The following ARL6IP6 variants were observed in gnomAD, a reference collection of about 807,000 sequenced individuals.
ARL6IP6 encodes ARF like GTPase 6 interacting protein 6.
ARL6IP6 carries 22 observed loss-of-function variants against 21.5 expected under a neutral mutation model. That is an observed-to-expected ratio of 1.02 (90% CI 0.73 to 1.46). The LOEUF is 1.46. ARL6IP6 is among the 40% of genes most tolerant of loss of function. The pLI, the probability that ARL6IP6 is intolerant of heterozygous loss-of-function variation, is 0.00. For synonymous variants in ARL6IP6, 164 were observed against 125.3 expected, an observed-to-expected ratio of 1.31 and a Z score of -2.06; for missense variants, 388 against 299.8, an observed-to-expected ratio of 1.29 and a Z score of -2.17.
intron 3 of ARL6IP6, among the ~76,000 whole-genome samples, chr2:152,740,074 C>T (rs36107565): frequency 0.13 from 19,352 of 152,180 alleles, 1,537 homozygotes; most frequent in Middle Eastern, 0.24. Flanking sequence ...ACAGTCAAAC[C>T]ATATCAATTA....
rs1701505837 is a variant in ARL6IP6 at position 152,754,885 on chromosome 2, GC to G, written c.588-4860del. Among the ~76,000 whole-genome samples, 3 of 152,158 alleles carry G rather than the reference GC, an allele frequency of 2.0e-5. No homozygotes were observed. In the South Asian group the frequency reaches 6.2e-4, roughly 32 times the overall value. ...CTATTTGTATGTATGTGGGCGGCAA[GC>G]CACCCAGGTGCCAAGGCAAGAGACC... On this transcript the variant is annotated intron_variant, in intron 3 of 3. Coordinates refer to ENST00000326446, the MANE Select transcript of ARL6IP6 (RefSeq NM_152522.7).
At chr2:152,741,302 T>C (rs1700796925) in intron 3 of ARL6IP6, among the ~76,000 whole-genome samples, 1 of 152,088 alleles carries the variant, frequency 6.6e-6, no homozygotes, top group Non-Finnish European at 1.5e-5. Flanking sequence ...GGGATCACAA[T>C]GTATATACTT....
rs146940034 is a variant in ARL6IP6 at position 152,718,979 on chromosome 2, A to G, written c.355A>G (p.Ile119Val). The G allele has an allele frequency of 1.4e-5, 23 of 1,590,296 alleles. No individual in the cohort carries two copies. In the African/African-American group the frequency reaches 2.6e-4, roughly 18 times the overall value. Residue 119 changes from isoleucine to valine, a missense_variant, in exon 1 of 4, where the codon ATT (isoleucine) becomes GTT (valine). Physicochemically the swap from Ile to Val is conservative, Grantham distance 29 (BLOSUM62 3). Transcript: ENST00000326446. Reference sequence around the variant, plus strand: ...TATTCTCTGCTCGCTGCTCTTCGCCATTCTTCTCGCCTTCCTCCTCGCCAT... The same window carrying G: ...TATTCTCTGCTCGCTGCTCTTCGCCGTTCTTCTCGCCTTCCTCCTCGCCAT... ...LSILCSLLFA[I>V]LLAFLLAIAY...
chr2:152,744,687 C>A (rs1700968383), intron 3 of ARL6IP6, among the ~76,000 whole-genome samples: 1 of 152,098 alleles, frequency 6.6e-6, no homozygotes, highest in South Asian at 2.1e-4. Flanking sequence ...ATTGTCTGAT[C>A]ACTATGAATT....
intron 3 of ARL6IP6, among the ~76,000 whole-genome samples, chr2:152,751,590 A>G (rs1365757593): frequency 2.0e-5 from 3 of 151,464 alleles, no homozygotes; most frequent in Non-Finnish European, 4.4e-5. Context: ...CTATGAGCTC[A>G]TTTTTTTTAA....
At chr2:152,736,487 T>A (rs1265791344) in intron 3 of ARL6IP6, among the ~76,000 whole-genome samples, 2 of 152,180 alleles carry the variant, frequency 1.3e-5, no homozygotes, top group Non-Finnish European at 2.9e-5. Context: ...AGCTTGAAAT[T>A]CTTATTCATT....
intron 3 of ARL6IP6, among the ~76,000 whole-genome samples, chr2:152,748,156 G>A (rs1029314265): frequency 6.6e-6 from 1 of 152,170 alleles, no homozygotes; most frequent in East Asian, 1.9e-4. Flanking sequence ...CTTAAGGAGA[G>A]ACATAGCAAA....
At chr2:152,729,452 T>C (rs776334307) in intron 2 of ARL6IP6, among the ~76,000 whole-genome samples, 3 of 152,230 alleles carry the variant, frequency 2.0e-5, no homozygotes, top group Non-Finnish European at 4.4e-5. Context: ...TTTAAAAGCC[T>C]GCAACCTTTG....
At chr2:152,721,974 G>A (rs1699814158) in intron 2 of ARL6IP6, among the ~76,000 whole-genome samples, 1 of 152,138 alleles carries the variant, frequency 6.6e-6, no homozygotes, top group Non-Finnish European at 1.5e-5. Context: ...AGATTATTAG[G>A]CTTCTCAGAG....
At chr2:152,728,595 C>A (rs1700152700) in intron 2 of ARL6IP6, among the ~76,000 whole-genome samples, 1 of 152,156 alleles carries the variant, frequency 6.6e-6, no homozygotes, top group Non-Finnish European at 1.5e-5. Flanking sequence ...TAACTGCTCC[C>A]TGACACCAGA....
chr2:152,727,952 AG>A (rs767077974), intron 2 of ARL6IP6, among the ~76,000 whole-genome samples: 31 of 152,226 alleles, frequency 2.0e-4, no homozygotes, highest in Non-Finnish European at 4.0e-4. Flanking sequence ...TAATCTCACC[AG>A]GAAAGATTCC....
intron 1 of ARL6IP6, among the ~76,000 whole-genome samples, chr2:152,719,730 G>C (rs530576714): frequency 3.7e-5 from 5 of 135,984 alleles, no homozygotes; most frequent in African/African-American, 1.4e-4. Flanking sequence ...TCACTAGTTT[G>C]TGACCTTTGC....
chr2:152,760,338 T>G lies in ARL6IP6; in HGVS notation c.*498T>G, dbSNP rs2105202249. The G allele has an allele frequency of 6.5e-6, 1 of 152,728 alleles. No homozygotes were observed. Among genetic ancestry groups the G allele is most frequent in the South Asian group, 2.1e-4 (1 of 4,826 alleles). The allele number at this position is 152,728 out of a possible 1,614,324, so 9.5% of individuals were successfully genotyped here. On this transcript the variant is annotated 3_prime_UTR_variant, in exon 4 of 4. Transcript: ENST00000326446. ...GCTACTTTTAAATCAGAATATTTAA[T>G]TTTTGATATTCATATAATTAATAGA... is the stretch of plus-strand genomic sequence containing the variant.
intron 3 of ARL6IP6, among the ~76,000 whole-genome samples, chr2:152,746,241 G>T (rs1323174139): frequency 1.3e-5 from 2 of 151,962 alleles, no homozygotes; most frequent in East Asian, 3.9e-4. Flanking sequence ...TGCCCTAGCT[G>T]GTCTCGAACT....
Position 152,718,707 on chromosome 2 carries a change from A to G in ARL6IP6, c.83A>G (p.Tyr28Cys), listed in dbSNP as rs924185588. ...GTPGPVARPS[Y>C]SSFTQGDSWG... ...CCGGGCCCTGTGGCTCGGCCATCGT[A>G]TTCCTCCTTTACTCAGGGGGACAGC... The change falls in exon 1 of 4, where the codon TAT becomes TGT. Residue 28 changes from tyrosine to cysteine, a missense_variant. Transcript: ENST00000326446. The G allele has an allele frequency of 1.2e-6, 2 of 1,604,922 alleles. No individual in the cohort carries two copies. Among genetic ancestry groups the G allele is most frequent in the Admixed American group, 1.7e-5 (1 of 58,828 alleles).
chr2:152,759,825 A>C lies in ARL6IP6; in HGVS notation c.666A>C (p.Ala222=). The change falls in exon 4 of 4, where the codon GCA becomes GCC. Residue 222 remains alanine (A), a synonymous_variant. Transcript: ENST00000326446. ...GCATCGTAGCTGCTCTTACTGTAGC[A>C]TGGTGCCTCATGTAAACCCACACTG... ...LNGIVAALTV[A]WCLM is the part of the protein sequence containing the mutation. 6.2e-7 allele frequency: 1 copy of C among 1,612,950 alleles called. No individual in the cohort carries two copies.
chr2:152,721,001 G>A (rs1280728704), intron 2 of ARL6IP6, among the ~76,000 whole-genome samples: 3 of 152,134 alleles, frequency 2.0e-5, no homozygotes, highest in Non-Finnish European at 2.9e-5. Context: ...GGCTGATGTG[G>A]GAGGATCACT....
In ARL6IP6 at chr2:152,760,258, C is replaced by T. The variant is rs1701774998; in HGVS notation, c.*418C>T. ...CTGTTTAGTTGAGCTAGAAATACTT[C>T]TTATTTATACATTTAGGAAAGCAAA... On this transcript the variant is annotated 3_prime_UTR_variant, in exon 4 of 4. Transcript: ENST00000326446. 1 of 153,240 alleles carries T rather than the reference C, an allele frequency of 6.5e-6. No homozygotes were observed. The highest frequency in any genetic ancestry group is 2.4e-5 in the African/African-American group (1 of 41,432). The allele number at this position is 153,240 out of a possible 1,614,324, so 9.5% of individuals were successfully genotyped here.
chr2:152,724,806 G>A (rs1007048295), intron 2 of ARL6IP6, among the ~76,000 whole-genome samples: 4 of 152,046 alleles, frequency 2.6e-5, no homozygotes, highest in Admixed American at 6.5e-5. Flanking sequence ...TTTCATTTTT[G>A]ACAAGTTTTG....
Sources: allele counts gnomAD v4.1 joint callset (sites outside exome capture counted in the v4.1 genomes callset), GRCh38; gene constraint gnomAD v4.1.1; transcripts MANE v1.5; gene names NCBI Gene and HGNC (gene_info 2026-07-23, HGNC 2026-07-21).